Variants in FCHSD2 observed in about 807,000 individuals in gnomAD.
FCHSD2 encodes F-BAR and double SH3 domains protein 2.
In FCHSD2, 38 loss-of-function variants were observed where a neutral mutation model predicts 108.1. The ratio of observed to expected loss-of-function variants is 0.35; its 90% confidence interval spans 0.27 to 0.46. The LOEUF (loss-of-function observed/expected upper bound fraction) is 0.46, where lower values mean the gene tolerates loss of function less well. Ranked by LOEUF, FCHSD2 falls within the 20% of genes least tolerant of loss-of-function variation. The pLI is 1.00. For synonymous variants in FCHSD2, 279 were observed against 314.7 expected (o/e 0.89, Z 1.20); for missense variants, 751 against 897.8 (o/e 0.84, Z 2.09).
chr11:72,964,934 C>T (rs936017779), intron 8 of FCHSD2, among the ~76,000 whole-genome samples: 2 of 152,024 alleles, frequency 1.3e-5, no homozygotes, highest in East Asian at 1.9e-4. Context: ...GGACTACAGG[C>T]GCCCGCCACC....
At chr11:73,100,302 AG>A in intron 2 of FCHSD2, among the ~76,000 whole-genome samples, 1 of 152,116 alleles carries the variant, frequency 6.6e-6, no homozygotes, top group East Asian at 1.9e-4. Context: ...GTGCCTTAAA[AG>A]GAAGGCACTG....
At chr11:73,071,303 T>C (rs1007923163) in intron 3 of FCHSD2, among the ~76,000 whole-genome samples, 1 of 152,126 alleles carries the variant, frequency 6.6e-6, no homozygotes, top group African/African-American at 2.4e-5. Flanking sequence ...ATAATGCAGC[T>C]TCTTTGACCA....
intron 2 of FCHSD2, among the ~76,000 whole-genome samples, chr11:73,129,971 C>A (rs1365707877): frequency 1.3e-5 from 2 of 151,092 alleles, no homozygotes; most frequent in African/African-American, 4.9e-5. Flanking sequence ...CTCTGCCTCC[C>A]GGGTTCACGT....
chr11:73,083,872 T>C (rs1859754536), intron 2 of FCHSD2, 132 bp from the exon 3 acceptor site: 1 of 663,860 alleles, frequency 1.5e-6, no homozygotes, highest in Non-Finnish European at 2.7e-6. Context: ...CATCTTTATG[T>C]GCTTAGGAAT....
intron 13 of FCHSD2, among the ~76,000 whole-genome samples, chr11:72,860,212 T>G (rs1861532937): frequency 6.6e-6 from 1 of 152,188 alleles, no homozygotes; most frequent in Admixed American, 6.5e-5. Flanking sequence ...GCTCAGTTCC[T>G]AACAGGCCAT....
At chr11:72,858,352 G>A (rs905334868) in intron 13 of FCHSD2, among the ~76,000 whole-genome samples, 14 of 152,162 alleles carry the variant, frequency 9.2e-5, no homozygotes, top group Non-Finnish European at 1.8e-4. Flanking sequence ...CAATAGCAAA[G>A]AAATGAAATA....
At chr11:73,026,981 A>C (rs1858244354) in intron 3 of FCHSD2, among the ~76,000 whole-genome samples, 1 of 152,186 alleles carries the variant, frequency 6.6e-6, no homozygotes, top group African/African-American at 2.4e-5. Context: ...CTTCCTTGAT[A>C]AATTACCCAG....
chr11:73,100,040 G>A (rs577127299), intron 2 of FCHSD2, among the ~76,000 whole-genome samples: 3 of 152,216 alleles, frequency 2.0e-5, no homozygotes, highest in Non-Finnish European at 2.9e-5. Context: ...GACGCACCCC[G>A]GAAGGCGTGT....
At chr11:72,963,369 T>C (rs1856850368) in intron 8 of FCHSD2, among the ~76,000 whole-genome samples, 1 of 152,216 alleles carries the variant, frequency 6.6e-6, no homozygotes, top group Non-Finnish European at 1.5e-5. Context: ...TCTGGGATAC[T>C]TACTAGCAGC....
chr11:73,139,904 A>ATT lies in FCHSD2; in HGVS notation c.119+126_119+127insAA, dbSNP rs1861207702. 3 of 539,342 alleles carry ATT rather than the reference A, an allele frequency of 5.6e-6. No individual in the cohort carries two copies. In the Admixed American group the frequency reaches 1.1e-4, roughly 20 times the overall value. The allele number at this position is 539,342 out of a possible 1,614,324, so 33.4% of individuals were successfully genotyped here. ...CCAGTTCTAATTTCCAGCTGAGTCA[A>ATT]AGTTCTAACAGCCTTAAAGCAGGAA... is the stretch of plus-strand genomic sequence containing the variant. On this transcript the variant is annotated intron_variant, in intron 2 of 19. Coordinates refer to ENST00000409418, the MANE Select transcript of FCHSD2 (RefSeq NM_014824.3).
chr11:73,018,565 C>G (rs1858025827), intron 3 of FCHSD2, among the ~76,000 whole-genome samples: 1 of 150,286 alleles, frequency 6.7e-6, no homozygotes, highest in African/African-American at 2.4e-5. Flanking sequence ...AGCAGATCAC[C>G]TAGAATTTAG....
At chr11:73,057,277 A>G (rs368232959) in intron 3 of FCHSD2, among the ~76,000 whole-genome samples, 7 of 152,204 alleles carry the variant, frequency 4.6e-5, no homozygotes, top group African/African-American at 1.7e-4. Context: ...GACACAGTAC[A>G]CAGGTTCGAA....
chr11:73,108,893 T>C (rs1006439247), intron 2 of FCHSD2, among the ~76,000 whole-genome samples: 60 of 152,196 alleles, frequency 3.9e-4, no homozygotes, highest in Admixed American at 7.9e-4. Context: ...TTTAACACAA[T>C]TTGATTTGGT....
intron 2 of FCHSD2, among the ~76,000 whole-genome samples, chr11:73,134,996 G>C (rs1385121086): frequency 6.6e-6 from 1 of 152,004 alleles, no homozygotes; most frequent in East Asian, 1.9e-4. Context: ...TAGGATTATA[G>C]GTGTGCGCCA....
chr11:73,122,867 A>C (rs1047477245), intron 2 of FCHSD2, among the ~76,000 whole-genome samples: 2 of 152,262 alleles, frequency 1.3e-5, no homozygotes, highest in African/African-American at 4.8e-5. Flanking sequence ...CAAAGAATCT[A>C]CAAGATATGC....
chr11:73,055,299 C>G (rs1858998917), intron 3 of FCHSD2, among the ~76,000 whole-genome samples: 1 of 151,416 alleles, frequency 6.6e-6, no homozygotes, highest in Admixed American at 6.6e-5. Flanking sequence ...GCCATGATCA[C>G]CCCACTGGAC....
intron 8 of FCHSD2, among the ~76,000 whole-genome samples, chr11:72,969,773 T>C (rs192313668): frequency 2.0e-5 from 3 of 152,314 alleles, no homozygotes; most frequent in Admixed American, 2.0e-4. Context: ...AACTCCACAC[T>C]ATGTTATTTG....
chr11:72,940,754 A>G, intron 8 of FCHSD2: 2 of 854,992 alleles, frequency 2.3e-6, no homozygotes, highest in African/African-American at 1.6e-5. Flanking sequence ...AAGCCTGTTC[A>G]TCATGGTGTT....
chr11:73,074,360 T>C (rs960325966), intron 3 of FCHSD2, among the ~76,000 whole-genome samples: 2 of 152,196 alleles, frequency 1.3e-5, no homozygotes, highest in African/African-American at 4.8e-5. Flanking sequence ...GTATAAAATA[T>C]GTGCAAGCAT....
Sources: allele counts gnomAD v4.1 joint callset (sites outside exome capture counted in the v4.1 genomes callset), GRCh38; gene constraint gnomAD v4.1.1; transcripts MANE v1.5; gene names NCBI Gene and HGNC (gene_info 2026-07-23, HGNC 2026-07-21).